CKMT2: variants seen among roughly 807,000 people sequenced by gnomAD.
CKMT2 encodes creatine kinase S-type, mitochondrial.
In CKMT2, 43 loss-of-function variants were observed where a neutral mutation model predicts 48.9. That is an observed-to-expected ratio of 0.88 (90% CI 0.69 to 1.13). CKMT2 has a LOEUF of 1.13. Ranked by LOEUF, CKMT2 falls within the 50% of genes most tolerant of loss-of-function variation. The pLI, the probability that CKMT2 is intolerant of heterozygous loss-of-function variation, is 0.00. For missense variants in CKMT2, 472 were observed against 555.4 expected (o/e 0.85, Z 1.51); for synonymous variants, 206 against 213.0 (o/e 0.97, Z 0.29).
At chr5:81,263,689 C>A in intron 9 of CKMT2, 73 bp downstream of exon 9, 3 of 1,426,032 alleles carry the variant, frequency 2.1e-6, no homozygotes, top group Non-Finnish European at 2.8e-6. Context: ...AAGCAAACAG[C>A]CTAGCCGTTT....
At chr5:81,263,338 A>AAT (rs911907111) in intron 8 of CKMT2, among the ~76,000 whole-genome samples, 153 bp from the exon 9 acceptor site, 3 of 148,886 alleles carry the variant, frequency 2.0e-5, no homozygotes, top group Non-Finnish European at 4.5e-5. Flanking sequence ...CTATATATTC[A>AAT]ATATATATAT....
intron 6 of CKMT2, 142 bp from the exon 7 acceptor site, chr5:81,257,591 G>C: frequency 1.7e-6 from 1 of 604,230 alleles, no homozygotes; most frequent in South Asian, 2.7e-5. Context: ...TGTCATACTT[G>C]TTCAGGCACA....
At chr5:81,251,714 C>T (rs968627090) in intron 2 of CKMT2, among the ~76,000 whole-genome samples, 4 of 152,130 alleles carry the variant, frequency 2.6e-5, no homozygotes, top group East Asian at 1.9e-4. Context: ...TAAGTAAAAC[C>T]GAAAATCATT....
intron 8 of CKMT2, among the ~76,000 whole-genome samples, chr5:81,262,334 T>G (rs1394775236): frequency 6.6e-6 from 1 of 151,990 alleles, no homozygotes; most frequent in Non-Finnish European, 1.5e-5. Context: ...AAGCCAGAAT[T>G]GACAAATGGG....
intron 1 of CKMT2, among the ~76,000 whole-genome samples, chr5:81,248,016 T>C (rs1756670996): frequency 6.6e-6 from 1 of 152,206 alleles, no homozygotes; most frequent in Admixed American, 6.5e-5. Flanking sequence ...AACTAAAATA[T>C]GGATATGACA....
chr5:81,253,905 G>A (rs1756908087), intron 3 of CKMT2, among the ~76,000 whole-genome samples: 2 of 152,156 alleles, frequency 1.3e-5, no homozygotes, highest in South Asian at 2.1e-4. Context: ...TGCCCAAACT[G>A]CTGCTATGTA....
At chr5:81,247,899 C>T (rs992183955) in intron 1 of CKMT2, among the ~76,000 whole-genome samples, 1 of 152,130 alleles carries the variant, frequency 6.6e-6, no homozygotes, top group Admixed American at 6.5e-5. Flanking sequence ...TCAAAGCTTC[C>T]CCAGGATTAT....
At chr5:81,240,729 G>C (rs1009091222) in intron 1 of CKMT2, among the ~76,000 whole-genome samples, 1 of 152,160 alleles carries the variant, frequency 6.6e-6, no homozygotes, top group Non-Finnish European at 1.5e-5. Flanking sequence ...CTGTTTTTGA[G>C]TTCCCTCCTC....
chr5:81,235,168 G>A (rs1756210303), intron 1 of CKMT2, among the ~76,000 whole-genome samples: 1 of 152,222 alleles, frequency 6.6e-6, no homozygotes, highest in African/African-American at 2.4e-5. Context: ...GCCTAGGAAA[G>A]GCCTCTGTTT....
chr5:81,260,202 T>C (rs1283758126), intron 8 of CKMT2, among the ~76,000 whole-genome samples: 5 of 152,194 alleles, frequency 3.3e-5, no homozygotes, highest in East Asian at 1.9e-4. Context: ...CCAGAATCTC[T>C]GGGACACAGC....
chr5:81,238,111 G>C (rs1756306611), intron 1 of CKMT2: 1 of 152,224 alleles, frequency 6.6e-6, no homozygotes, highest in Admixed American at 6.5e-5. Context: ...AAGGCGGGCA[G>C]ATCACGAGAT....
rs768626650 is a variant in CKMT2 at position 81,255,165 on chromosome 5, A to G, written c.620A>G (p.Tyr207Cys). The G allele has an allele frequency of 6.2e-7, 1 of 1,614,142 alleles. No individual in the cohort carries two copies. Residue 207 changes from tyrosine (Y) to cysteine (C), a missense_variant, in exon 5 of 10, where the codon TAC becomes TGC. Transcript: ENST00000254035. ...CTCAAGGGGGACCTGGCTGGCCGCT[A>G]CTACAAGCTGTCCGAGATGACGGAG... ...EGLKGDLAGRYYKLSEMTEQD... is the reference protein window; with the variant it reads ...EGLKGDLAGRCYKLSEMTEQD...
intron 5 of CKMT2, 92 bp from the exon 6 acceptor site, chr5:81,256,823 G>A (rs1339401336): frequency 1.2e-6 from 1 of 848,918 alleles, no homozygotes; most frequent in Admixed American, 2.2e-5. Flanking sequence ...CAGCAGCCAT[G>A]ATAAGTGGGT....
At chr5:81,242,605 C>G in intron 1 of CKMT2, 2 of 320,734 alleles carry the variant, frequency 6.2e-6, no homozygotes, top group Non-Finnish European at 6.1e-6. Context: ...TTCTGGTTGC[C>G]CAGCATGCCA....
intron 1 of CKMT2, chr5:81,242,457 A>C: frequency 1.9e-6 from 1 of 513,562 alleles, no homozygotes; most frequent in Non-Finnish European, 3.8e-6. Context: ...AATTTTACAG[A>C]GGTCGCCTAC....
chr5:81,261,658 C>A (rs1757229248), intron 8 of CKMT2, among the ~76,000 whole-genome samples: 1 of 152,128 alleles, frequency 6.6e-6, no homozygotes, highest in African/African-American at 2.4e-5. Flanking sequence ...AGGACCTCTT[C>A]AAGGAGAACT....
chr5:81,256,994 G>C lies in CKMT2; in HGVS notation c.749G>C (p.Gly250Ala). The change falls in exon 6 of 10, where the codon GGA becomes GCA. Residue 250 changes from glycine to alanine, a missense_variant. Coordinates refer to ENST00000254035, the MANE Select transcript of CKMT2 (RefSeq NM_001099735.2). ...GCCCGTGACTGGCCAGATGCCAGGGGAATCTGGTATGGATGCAGCATTTTC... is the reference window on the plus strand; with the variant it reads ...GCCCGTGACTGGCCAGATGCCAGGGCAATCTGGTATGGATGCAGCATTTTC... ...GMARDWPDARGIWHNYDKTFL... is the reference protein window; with the variant it reads ...GMARDWPDARAIWHNYDKTFL... 1.9e-6 allele frequency: 3 copies of C among 1,613,190 alleles called. No individual in the cohort carries two copies. The highest frequency in any genetic ancestry group is 1.1e-5 in the South Asian group (1 of 91,002).
chr5:81,234,208 G>GACAA, intron 1 of CKMT2, among the ~76,000 whole-genome samples: 1 of 152,022 alleles, frequency 6.6e-6, no homozygotes, highest in South Asian at 2.1e-4. Context: ...AGTGACATTT[G>GACAA]ACAAACAGAC....
At chr5:81,250,314 CACTT>C in intron 1 of CKMT2, among the ~76,000 whole-genome samples, 1 of 152,282 alleles carries the variant, frequency 6.6e-6, no homozygotes, top group Middle Eastern at 3.4e-3. Flanking sequence ...TATGATTCCA[CACTT>C]AGTTCTTTAA....
Sources: allele counts gnomAD v4.1 joint callset (sites outside exome capture counted in the v4.1 genomes callset), GRCh38; gene constraint gnomAD v4.1.1; transcripts MANE v1.5; gene names NCBI Gene and HGNC (gene_info 2026-07-23, HGNC 2026-07-21).